NKAIN1: variants seen among roughly 807,000 people sequenced by gnomAD.
NKAIN1 encodes sodium/potassium-transporting ATPase subunit beta-1-interacting protein 1.
Under a neutral mutation model 31.6 loss-of-function variants are expected in NKAIN1, and 13 were observed. That is an observed-to-expected ratio of 0.41 (90% CI 0.27 to 0.65). The LOEUF is 0.65. NKAIN1 is among the 30% of genes least tolerant of loss of function. The probability of loss-of-function intolerance (pLI) is 0.30; values close to 1 mark genes in which losing one functional copy is unlikely to be tolerated. For synonymous variants in NKAIN1, 104 were observed against 109.0 expected (o/e 0.95, Z 0.28); for missense variants, 193 against 262.2 (o/e 0.74, Z 1.82).
chr1:31,189,528 G>A (rs1645270025), intron 1 of NKAIN1, among the ~76,000 whole-genome samples: 1 of 152,060 alleles, frequency 6.6e-6, no homozygotes, highest in Non-Finnish European at 1.5e-5. Context: ...TGTTGGCCAG[G>A]CTGGTCTTGA....
At position 31,180,299 on chromosome 1, in the gene NKAIN1, G is replaced by A. The variant is rs1645187628; in HGVS notation, c.*1404C>T. The A allele has an allele frequency of 6.6e-6, 1 of 152,302 alleles. No homozygotes were observed. The highest frequency in any genetic ancestry group is 6.5e-5 in the Admixed American group (1 of 15,274). The allele number at this position is 152,302 out of a possible 1,614,324, so 9.4% of individuals were successfully genotyped here. On this transcript the variant is annotated 3_prime_UTR_variant, in exon 7 of 7. Coordinates refer to ENST00000373736, the MANE Select transcript of NKAIN1 (RefSeq NM_024522.3). ...GCCATGCCTCTTTCACAGATGAAAT[G>A]CTGAGACCTGATCCTCTCTCTATGG...
At position 31,184,034 on chromosome 1, in the gene NKAIN1, G is replaced by A. The variant is rs1287959510; in HGVS notation, c.274-20C>T. 1.2e-6 allele frequency: 2 copies of A among 1,609,720 alleles called. No homozygotes were observed. The highest frequency in any genetic ancestry group is 8.5e-7 in the Non-Finnish European group (1 of 1,177,494). ...CCGGTCCTGGGGGCAAAGGGGCCTG[G>A]GATACTGAGTGTGAGGGAGAGGGAG... On this transcript the variant is annotated intron_variant, in intron 3 of 6. Transcript: ENST00000373736.
At chr1:31,187,420 T>C (rs1570450400) in intron 2 of NKAIN1, among the ~76,000 whole-genome samples, 1 of 151,732 alleles carries the variant, frequency 6.6e-6, no homozygotes, top group Non-Finnish European at 1.5e-5. Flanking sequence ...GGGGCTGGAG[T>C]GCAGGGAGGC....
chr1:31,209,756 G>A (rs547663023), intron 1 of NKAIN1, among the ~76,000 whole-genome samples: 1 of 152,178 alleles, frequency 6.6e-6, no homozygotes, highest in East Asian at 1.9e-4. Context: ...GGTCAAGGTT[G>A]CAGTGAGCTG....
intron 1 of NKAIN1, among the ~76,000 whole-genome samples, chr1:31,212,173 A>T (rs1570467815): frequency 6.6e-6 from 1 of 152,270 alleles, no homozygotes; most frequent in Non-Finnish European, 1.5e-5. Context: ...TTGATTTTCA[A>T]CAAGGGTGCC....
chr1:31,208,776 C>A (rs1277751662), intron 1 of NKAIN1, among the ~76,000 whole-genome samples: 1 of 152,198 alleles, frequency 6.6e-6, no homozygotes, highest in East Asian at 1.9e-4. Context: ...AACCTCCTGA[C>A]TTTCAGGAAC....
intron 1 of NKAIN1, among the ~76,000 whole-genome samples, chr1:31,222,269 C>CA (rs1432722417): frequency 2.0e-5 from 3 of 152,208 alleles, no homozygotes; most frequent in Non-Finnish European, 2.9e-5. Context: ...GCTGGCCTGA[C>CA]ATGGAGACTC....
At chr1:31,197,610 G>A (rs1331082982) in intron 1 of NKAIN1, among the ~76,000 whole-genome samples, 2 of 143,224 alleles carry the variant, frequency 1.4e-5, no homozygotes, top group Non-Finnish European at 3.0e-5. Flanking sequence ...GCAGTGGCGC[G>A]ATCTCGGCTT....
intron 1 of NKAIN1, among the ~76,000 whole-genome samples, chr1:31,209,375 C>CAAAA (rs1557656945): frequency 6.6e-6 from 1 of 151,830 alleles, no homozygotes; most frequent in Non-Finnish European, 1.5e-5. Flanking sequence ...AACTCCATCT[C>CAAAA]AAACAAAACA....
chr1:31,239,358 G>A lies in NKAIN1; in HGVS notation c.54+136C>T. On this transcript the variant is annotated intron_variant, in intron 1 of 6. Coordinates refer to ENST00000373736, the MANE Select transcript of NKAIN1 (RefSeq NM_024522.3). The surrounding 1 kb of genome is among the most constrained non-coding windows in gnomAD (Gnocchi z 4.8). ...AGCAGGCTCCGCCCGACCGCTCCGA[G>A]ACTCCAGACCACCCCCCGCCCGGGC... is the stretch of plus-strand genomic sequence containing the variant. The A allele has an allele frequency of 1.9e-6, 1 of 531,714 alleles. No homozygotes were observed. The highest frequency in any genetic ancestry group is 2.9e-6 in the Non-Finnish European group (1 of 344,724). The allele number at this position is 531,714 out of a possible 1,614,324, so 32.9% of individuals were successfully genotyped here. A position where few individuals can be genotyped will look rare whatever the true frequency, so the allele number is the denominator to read the frequency against.
Position 31,181,081 on chromosome 1 carries a change from C to G in NKAIN1, c.*622G>C, listed in dbSNP as rs1645193557. 1 of 152,194 alleles carries G rather than the reference C, an allele frequency of 6.6e-6. No homozygotes were observed. The highest frequency in any genetic ancestry group is 1.5e-5 in the Non-Finnish European group (1 of 68,048). 9.4% of individuals were successfully genotyped at this position (152,194 alleles called of 1,614,324 possible). On this transcript the variant is annotated 3_prime_UTR_variant, in exon 7 of 7. Coordinates refer to ENST00000373736, the MANE Select transcript of NKAIN1 (RefSeq NM_024522.3). ...ATCTCTGGGCCTCAGTTTTAATGTACTGCAAAATGAGAATTTTAATCCCAG... is the reference window on the plus strand; with the variant it reads ...ATCTCTGGGCCTCAGTTTTAATGTAGTGCAAAATGAGAATTTTAATCCCAG...
At chr1:31,212,773 G>C (rs546869427) in intron 1 of NKAIN1, among the ~76,000 whole-genome samples, 1 of 152,058 alleles carries the variant, frequency 6.6e-6, no homozygotes, top group Non-Finnish European at 1.5e-5. Context: ...GGCCGAGGTG[G>C]GCGGATCACA....
chr1:31,205,613 GTTTTTTT>G (rs761138403), intron 1 of NKAIN1, among the ~76,000 whole-genome samples: 1 of 96,524 alleles, frequency 1.0e-5, no homozygotes, highest in African/African-American at 4.1e-5. Context: ...AGCCGGACAA[GTTTTTTT>G]TTTTTTTTTT....
chr1:31,235,936 G>C (rs187098856), intron 1 of NKAIN1, among the ~76,000 whole-genome samples: 1 of 152,230 alleles, frequency 6.6e-6, no homozygotes, highest in Non-Finnish European at 1.5e-5. Flanking sequence ...TTGGGCTACA[G>C]TGCCACAGAC....
intron 1 of NKAIN1, among the ~76,000 whole-genome samples, chr1:31,193,003 TAA>T (rs200283569): frequency 1.4e-5 from 2 of 145,230 alleles, no homozygotes; most frequent in Non-Finnish European, 3.0e-5. Flanking sequence ...CCATCTCTAT[TAA>T]AAAAAAAAAA....
At chr1:31,225,291 G>T (rs1645594848) in intron 1 of NKAIN1, among the ~76,000 whole-genome samples, 1 of 141,636 alleles carries the variant, frequency 7.1e-6, no homozygotes, top group Non-Finnish European at 1.5e-5. Context: ...CTCCCAAAGT[G>T]CTGGGATCAC....
At chr1:31,187,257 G>C (rs998688538) in intron 2 of NKAIN1, among the ~76,000 whole-genome samples, 9 of 152,284 alleles carry the variant, frequency 5.9e-5, no homozygotes, top group African/African-American at 2.2e-4. Context: ...CTAGTGAAAA[G>C]CCTTTTCCCT....
chr1:31,232,424 T>TATATATAG (rs1313157898), intron 1 of NKAIN1, among the ~76,000 whole-genome samples: 14 of 16,920 alleles, frequency 8.3e-4, no homozygotes, highest in Admixed American at 1.1e-3. Context: ...TATATATATA[T>TATATATAG]AGAGAGAGAG....
Position 31,188,042 on chromosome 1 carries a change from A to G in NKAIN1, c.192+8T>C. ...AGTTGGCTTGGGAAGGGGCTAGGTG[A>G]GCCGTACCAGGATGAGGTACCGGGA... On this transcript the variant is annotated splice_region_variant and intron_variant, in intron 2 of 6. Coordinates refer to ENST00000373736, the MANE Select transcript of NKAIN1 (RefSeq NM_024522.3). 1 of 1,552,088 alleles carries G rather than the reference A, an allele frequency of 6.4e-7. No individual in the cohort carries two copies. Among genetic ancestry groups the G allele is most frequent in the Non-Finnish European group, 8.7e-7 (1 of 1,147,292 alleles).
Sources: allele counts gnomAD v4.1 joint callset (sites outside exome capture counted in the v4.1 genomes callset), GRCh38; gene constraint gnomAD v4.1.1; non-coding constraint Gnocchi (gnomAD v3.1); transcripts MANE v1.5; gene names NCBI Gene and HGNC (gene_info 2026-07-23, HGNC 2026-07-21).